KCNN2: variants seen among roughly 807,000 people sequenced by gnomAD.
The protein encoded by KCNN2 is potassium calcium-activated channel subfamily N member 2, also known as small conductance calcium-activated potassium channel protein 2.
KCNN2 carries 24 observed loss-of-function variants against 55.5 expected under a neutral mutation model. The ratio of observed to expected loss-of-function variants is 0.43; its 90% CI spans 0.31 to 0.61. The LOEUF (loss-of-function observed/expected upper bound fraction) is 0.61. KCNN2 is among the 20% of genes least tolerant of loss of function. The pLI, the probability that KCNN2 is intolerant of heterozygous loss-of-function variation, is 0.08. For synonymous variants in KCNN2, 431 were observed against 336.1 expected (o/e 1.28, Z -3.09); for missense variants, 754 against 853.6 (o/e 0.88, Z 1.45).
At chr5:114,447,828 C>T (rs1760482179) in intron 3 of KCNN2, among the ~76,000 whole-genome samples, 1 of 152,170 alleles carries the variant, frequency 6.6e-6, no homozygotes, top group South Asian at 2.1e-4. Context: ...GCGCTTTTTC[C>T]TTTTTGCTTC....
At chr5:114,106,981 A>G (rs1014655347) in intron 1 of KCNN2, among the ~76,000 whole-genome samples, 1 of 152,018 alleles carries the variant, frequency 6.6e-6, no homozygotes, top group African/African-American at 2.4e-5. Context: ...CTCCTATTCA[A>G]TCTTTTACAA....
At chr5:114,334,394 G>A (rs1756880280) in intron 2 of KCNN2, among the ~76,000 whole-genome samples, 1 of 151,742 alleles carries the variant, frequency 6.6e-6, no homozygotes, top group African/African-American at 2.4e-5. Flanking sequence ...CTAAAAAATG[G>A]GGATAAGTCC....
rs550881781 is a variant in KCNN2, at chr5:114,295,988, C to G, written c.-184-64957C>G. ...ATCTATAATTTCCGCTGGTAATAGT[C>G]ATAAGTACTACTAATACTACTGTGG... is the stretch of plus-strand genomic sequence containing the variant. On this transcript the variant is annotated intron_variant, in intron 2 of 10. Coordinates refer to the KCNN2 transcript ENST00000512097. Among the ~76,000 whole-genome samples the G allele has an allele frequency of 2.6e-5, 4 of 152,256 alleles. 1 individual carries two copies. The South Asian group carries it at 8.3e-4, about 32-fold the overall frequency.
chr5:114,482,614 A>G (rs1004046166), intron 5 of KCNN2, among the ~76,000 whole-genome samples: 7 of 152,302 alleles, frequency 4.6e-5, no homozygotes, highest in South Asian at 4.1e-4. Context: ...TAGCAAAGAC[A>G]TGGAATCAAC....
intron 1 of KCNN2, among the ~76,000 whole-genome samples, chr5:114,078,884 C>G (rs1029707254): frequency 6.6e-6 from 1 of 152,154 alleles, no homozygotes; most frequent in African/African-American, 2.4e-5. Flanking sequence ...CTGCTGATAT[C>G]ATGTGCAGAT....
At position 114,272,362 on chromosome 5, in the gene KCNN2, T is replaced by TAC. The variant is rs1332667829; in HGVS notation, c.-185+50805_-185+50806dup. ...CACATATATGTATGTACATACCATA[T>TAC]ACACACACATATGTATGTACATATA... On this transcript the variant is annotated intron_variant, in intron 2 of 10. Coordinates refer to the KCNN2 transcript ENST00000512097. 2.5e-4 allele frequency among the ~76,000 whole-genome samples: 32 copies of TAC among 126,362 alleles called. 1 individual carries two copies. Among genetic ancestry groups the TAC allele is most frequent in the African/African-American group, 7.7e-4 (25 of 32,520 alleles). The allele number at this position is 126,362 out of a possible 152,430, so 82.9% of individuals were successfully genotyped here. A position where few individuals can be genotyped will look rare whatever the true frequency, so the allele number is the denominator to read the frequency against.
chr5:114,483,569 C>G (rs963922149), intron 5 of KCNN2, among the ~76,000 whole-genome samples: 1 of 152,064 alleles, frequency 6.6e-6, no homozygotes, highest in African/African-American at 2.4e-5. Context: ...AGCCACAGCA[C>G]CCAGCCAGTA....
intron 2 of KCNN2, among the ~76,000 whole-genome samples, chr5:114,336,849 G>T (rs1756932449): frequency 6.6e-6 from 1 of 152,112 alleles, no homozygotes; most frequent in Admixed American, 6.6e-5. Flanking sequence ...TTTTTAAGGG[G>T]CTCGCATAGT....
intron 2 of KCNN2, among the ~76,000 whole-genome samples, chr5:114,337,968 A>T (rs1182065879): frequency 6.6e-6 from 1 of 152,152 alleles, no homozygotes; most frequent in African/African-American, 2.4e-5. Context: ...AAATACACTG[A>T]ATTTGTCCCT....
chr5:114,320,479 T>C (rs974590356), intron 2 of KCNN2, among the ~76,000 whole-genome samples: 1 of 152,000 alleles, frequency 6.6e-6, no homozygotes, highest in Non-Finnish European at 1.5e-5. Flanking sequence ...CCAGGCCTGA[T>C]GGTGGGTACC....
Position 114,413,387 on chromosome 5 carries a change from C to T in KCNN2, c.1637+8531C>T, listed in dbSNP as rs544417630. 3.9e-4 allele frequency among the ~76,000 whole-genome samples: 60 copies of T among 152,278 alleles called. 1 individual carries two copies. In the South Asian group the frequency reaches 9.7e-3, roughly 25 times the overall value. ...GCAACCTCTGCCTCCTGCGTTCAAG[C>T]GATTCTCCTGCCTCAGCCTCCCAAG... On this transcript the variant is annotated intron_variant, in intron 3 of 7. Transcript: ENST00000673685.
intron 3 of KCNN2, among the ~76,000 whole-genome samples, chr5:114,422,297 T>G (rs1759494614): frequency 6.6e-6 from 1 of 152,034 alleles, no homozygotes; most frequent in Non-Finnish European, 1.5e-5. Flanking sequence ...GATGATTGGG[T>G]CATGAGGGTG....
At chr5:114,418,408 T>G (rs1759370421) in intron 3 of KCNN2, among the ~76,000 whole-genome samples, 1 of 152,190 alleles carries the variant, frequency 6.6e-6, no homozygotes, top group African/African-American at 2.4e-5. Flanking sequence ...CAGCACTGCT[T>G]GAAACCCTTC....
chr5:114,183,437 T>TA (rs1037695687), intron 1 of KCNN2, among the ~76,000 whole-genome samples: 2 of 152,092 alleles, frequency 1.3e-5, no homozygotes, highest in African/African-American at 4.8e-5. Context: ...TTGTTACTTT[T>TA]AAAAATATTT....
Position 114,385,620 on chromosome 5 carries a change from T to C in KCNN2, c.1219-18818T>C, listed in dbSNP as rs574813962. Reference sequence around the variant, plus strand: ...CCAAAACTATGCCATTCTTTCTGCTTTCTGTGCCTTTTACCTAGAATATAC... The same window carrying C: ...CCAAAACTATGCCATTCTTTCTGCTCTCTGTGCCTTTTACCTAGAATATAC... On this transcript the variant is annotated intron_variant, in intron 2 of 7. Transcript: ENST00000673685. Among the ~76,000 whole-genome samples, 46 of 151,972 alleles carry C rather than the reference T, an allele frequency of 3.0e-4. 2 individuals carry two copies. The South Asian group carries it at 9.4e-3, about 31-fold the overall frequency.
At chr5:114,332,897 T>C (rs1756849122) in intron 2 of KCNN2, among the ~76,000 whole-genome samples, 2 of 152,226 alleles carry the variant, frequency 1.3e-5, no homozygotes, top group Admixed American at 1.3e-4. Flanking sequence ...TAACCCAAAA[T>C]ATAACCTGGG....
At chr5:114,142,358 A>T (rs912819392) in intron 1 of KCNN2, among the ~76,000 whole-genome samples, 5 of 152,180 alleles carry the variant, frequency 3.3e-5, no homozygotes, top group Non-Finnish European at 4.4e-5. Context: ...ATGGCTAGCC[A>T]GTTTTCCCAG....
At chr5:114,242,613 A>G (rs1343503367) in intron 2 of KCNN2, among the ~76,000 whole-genome samples, 1 of 152,184 alleles carries the variant, frequency 6.6e-6, no homozygotes, top group African/African-American at 2.4e-5. Flanking sequence ...GAACTCGCGA[A>G]TAGGAAAAAA....
chr5:114,092,314 G>T (rs906524881), intron 1 of KCNN2, among the ~76,000 whole-genome samples: 1 of 152,196 alleles, frequency 6.6e-6, no homozygotes, highest in Admixed American at 6.5e-5. Context: ...TCACATCCAG[G>T]TCATGCTGAT....
Sources: allele counts gnomAD v4.1 joint callset (sites outside exome capture counted in the v4.1 genomes callset), GRCh38; gene constraint gnomAD v4.1.1; transcripts MANE v1.5; gene names NCBI Gene and HGNC (gene_info 2026-07-23, HGNC 2026-07-21).